The following NOM1 variants were observed in gnomAD, a reference collection of about 807,000 sequenced individuals.
The protein encoded by NOM1 is nucleolar protein with MIF4G domain 1.
A neutral mutation model predicts 73.3 loss-of-function variants in NOM1; 58 were observed. That is an observed-to-expected ratio of 0.79 (90% CI 0.64 to 0.99). The LOEUF (loss-of-function observed/expected upper bound fraction) is 0.99, where lower values mean the gene tolerates loss of function less well. Among genes scored for constraint, NOM1 ranks in the 50% least tolerant of loss-of-function variants. The pLI is 0.00. For synonymous variants in NOM1, 487 were observed against 446.8 expected (o/e 1.09, Z -1.14); for missense variants, 1,226 against 1,131.9 (o/e 1.08, Z -1.19).
Position 156,950,264 on chromosome 7 carries a change from T to C in NOM1, c.527T>C (p.Leu176Ser). The change falls in exon 1 of 11, where the codon TTA (leucine) becomes TCA (serine). Residue 176 changes from leucine (L) to serine (S), a missense_variant. Coordinates refer to ENST00000275820, the MANE Select transcript of NOM1 (RefSeq NM_138400.2). ...ATAAARKRALLAANEEEDREI... is the reference protein window; with the variant it reads ...ATAAARKRALSAANEEEDREI... ...GCCGCTGCCCGGAAACGGGCGCTTT[T>C]AGCGGCGAACGAGGAGGAGGACCGA... 1 of 1,613,868 alleles carries C rather than the reference T, an allele frequency of 6.2e-7. No homozygotes were observed. The highest frequency in any genetic ancestry group is 8.5e-7 in the Non-Finnish European group (1 of 1,179,808).
chr7:156,968,299 C>T (rs1052358778), intron 9 of NOM1, among the ~76,000 whole-genome samples: 6 of 152,202 alleles, frequency 3.9e-5, no homozygotes, highest in Non-Finnish European at 8.8e-5. Context: ...CAGGAGCACA[C>T]CCTCAGGCGT....
Position 156,966,988 on chromosome 7 carries a change from A to T in NOM1, c.2194A>T (p.Lys732Ter). 1 of 1,613,906 alleles carries T rather than the reference A, an allele frequency of 6.2e-7. No individual in the cohort carries two copies. The highest frequency in any genetic ancestry group is 8.5e-7 in the Non-Finnish European group (1 of 1,179,984). ...QMTFQFSIWD[K>*]FRDLENLPAT... Reference sequence around the variant, plus strand: ...GACTTTCCAGTTCAGCATATGGGACAAATTTCGGGACTTGGAAAACTTGCC... The same window carrying T: ...GACTTTCCAGTTCAGCATATGGGACTAATTTCGGGACTTGGAAAACTTGCC... The change falls in exon 9 of 11, where the codon AAA becomes TAA. Residue 732 changes from lysine (K) to a stop codon, truncating the protein, a stop_gained. Coordinates refer to ENST00000275820, the MANE Select transcript of NOM1 (RefSeq NM_138400.2). LOFTEE classifies it high-confidence loss of function.
Position 156,971,607 on chromosome 7 carries a change from G to A in NOM1, c.*1904G>A, listed in dbSNP as rs940794949. 1 of 152,246 alleles carries A rather than the reference G, an allele frequency of 6.6e-6. No individual in the cohort carries two copies. The highest frequency in any genetic ancestry group is 2.4e-5 in the African/African-American group (1 of 41,456). The allele number at this position is 152,246 out of a possible 1,614,324, so 9.4% of individuals were successfully genotyped here. Reference sequence around the variant, plus strand: ...CTTACCTTGGCCTCCCAAACACCGGGATTATAGGCGTGAGCCCCCGTGCCT... The same window carrying A: ...CTTACCTTGGCCTCCCAAACACCGGAATTATAGGCGTGAGCCCCCGTGCCT... On this transcript the variant is annotated 3_prime_UTR_variant, in exon 11 of 11. Coordinates refer to ENST00000275820, the MANE Select transcript of NOM1 (RefSeq NM_138400.2).
chr7:156,969,446 G>T (rs1462733667), intron 10 of NOM1, 83 bp from the exon 11 acceptor site: 1 of 1,150,930 alleles, frequency 8.7e-7, no homozygotes, highest in African/African-American at 1.5e-5. Flanking sequence ...AACTGGTTAT[G>T]TCTCACTATG....
Position 156,950,143 on chromosome 7 carries a change from C to G in NOM1, c.406C>G (p.Arg136Gly), listed in dbSNP as rs750589396. The G allele has an allele frequency of 9.5e-6, 15 of 1,577,800 alleles. No homozygotes were observed. The highest frequency in any genetic ancestry group is 2.3e-5 in the East Asian group (1 of 42,786). The change falls in exon 1 of 11, where the codon CGG becomes GGG. Residue 136 changes from arginine to glycine, a missense_variant. Arg to Gly is a moderately radical substitution (Grantham distance 125, BLOSUM62 -2). Coordinates refer to ENST00000275820, the MANE Select transcript of NOM1 (RefSeq NM_138400.2). ...TEERARPAPS[R>G]DPSPPRKPRP... ...GGAGCGCGCCCGCCCAGCCCCTAGT[C>G]GGGACCCCTCGCCTCCCAGGAAGCC... is the stretch of plus-strand genomic sequence containing the variant.
At chr7:156,965,179 C>G (rs1160796384) in intron 7 of NOM1, among the ~76,000 whole-genome samples, 1 of 152,228 alleles carries the variant, frequency 6.6e-6, no homozygotes. Context: ...TGCTCCTCTC[C>G]TGAGGTACAG....
At position 156,950,594 on chromosome 7, in the gene NOM1, A is replaced by G. The variant is rs770966157; in HGVS notation, c.857A>G (p.Asp286Gly). ...AEAQSEDDDE[D>G]TEEEQGEEKE... ...GCGCAGAGCGAGGACGACGACGAGG[A>G]TACAGAAGAGGAACAGGGGGAAGAA... The change falls in exon 1 of 11, where the codon GAT (aspartate) becomes GGT (glycine). Residue 286 changes from aspartate (D) to glycine (G), a missense_variant. Physicochemically the swap from Asp to Gly is moderately conservative, Grantham distance 94 (BLOSUM62 -1). Transcript: ENST00000275820. 10 of 1,587,452 alleles carry G rather than the reference A, an allele frequency of 6.3e-6. No individual in the cohort carries two copies. In the South Asian group the frequency reaches 9.0e-5, roughly 14 times the overall value.
At position 156,950,525 on chromosome 7, in the gene NOM1, A is replaced by T; in HGVS notation, c.788A>T (p.Glu263Val). The change falls in exon 1 of 11, where the codon GAG (glutamate) becomes GTG (valine). Residue 263 changes from glutamate (E) to valine (V), a missense_variant. Physicochemically the swap from Glu to Val is moderately radical, Grantham distance 121. Transcript: ENST00000275820. Reference sequence around the variant, plus strand: ...TCCCAGGACGAAAGTGAGGAGGAGGAGGAGGGAGACGTAGAAAAGGAAAAG... The same window carrying T: ...TCCCAGGACGAAAGTGAGGAGGAGGTGGAGGGAGACGTAGAAAAGGAAAAG... The part of the protein sequence containing the change: ...SDSQDESEEE[E>V]EGDVEKEKKA... 6.2e-7 allele frequency: 1 copy of T among 1,614,070 alleles called. No individual in the cohort carries two copies. Among genetic ancestry groups the T allele is most frequent in the Non-Finnish European group, 8.5e-7 (1 of 1,179,990 alleles).
rs781130505 is a variant in NOM1 at position 156,952,477 on chromosome 7, C to G, written c.991C>G (p.Leu331Val). The G allele has an allele frequency of 9.9e-6, 16 of 1,609,274 alleles. No homozygotes were observed. The highest frequency in any genetic ancestry group is 1.0e-5 in the Non-Finnish European group (12 of 1,178,824). The change falls in exon 2 of 11, where the codon CTT (leucine) becomes GTT (valine). Residue 331 changes from leucine to valine, a missense_variant. Leu to Val is a conservative substitution (Grantham distance 32). Coordinates refer to ENST00000275820, the MANE Select transcript of NOM1 (RefSeq NM_138400.2). The part of the protein sequence containing the change: ...SEDGDITDKS[L>V]CGSGEKYIPP... ...ATTTATTTCTCTTTTCAAGCAGAGTCTTTGTGGAAGTGGTGAAAAGTACAT... is the reference window on the plus strand; with the variant it reads ...ATTTATTTCTCTTTTCAAGCAGAGTGTTTGTGGAAGTGGTGAAAAGTACAT...
rs147712007 is a variant in NOM1 at position 156,961,269 on chromosome 7, C to T, written c.1633-882C>T. On this transcript the variant is annotated intron_variant, in intron 4 of 10. Coordinates refer to ENST00000275820, the MANE Select transcript of NOM1 (RefSeq NM_138400.2). ...CACTAGTGTCCCCAGGAAGAATTCA[C>T]GCCCGTGTGGGATGCTGAGGACCAG... Among the ~76,000 whole-genome samples the T allele has an allele frequency of 7.7e-4, 117 of 152,246 alleles. No individual in the cohort carries two copies. In the East Asian group the frequency reaches 0.018, roughly 23 times the overall value.
chr7:156,963,300 C>A, intron 6 of NOM1, 125 bp downstream of exon 6: 1 of 925,374 alleles, frequency 1.1e-6, no homozygotes, highest in Non-Finnish European at 1.7e-6. Context: ...CAAGGTTTAT[C>A]TGGAGGCCTT....
chr7:156,957,301 T>A (rs530759981), intron 3 of NOM1, among the ~76,000 whole-genome samples: 1 of 152,174 alleles, frequency 6.6e-6, no homozygotes, highest in Non-Finnish European at 1.5e-5. Flanking sequence ...AAAAACCCAA[T>A]CTATGTAGAT....
chr7:156,966,475 C>A, intron 8 of NOM1, 73 bp downstream of exon 8: 3 of 1,565,114 alleles, frequency 1.9e-6, no homozygotes, highest in Non-Finnish European at 2.6e-6. Context: ...GCTCAACCCA[C>A]CTGCAAAGGA....
Position 156,963,124 on chromosome 7 carries a change from G to A in NOM1, c.1860G>A (p.Pro620=), listed in dbSNP as rs770695085. 53 of 1,614,024 alleles carry A rather than the reference G, an allele frequency of 3.3e-5. No homozygotes were observed. The highest frequency in any genetic ancestry group is 8.0e-5 in the African/African-American group (6 of 74,906). Residue 620 remains proline (P), a synonymous_variant, in exon 6 of 11, where the codon CCG becomes CCA. Coordinates refer to ENST00000275820, the MANE Select transcript of NOM1 (RefSeq NM_138400.2). ...WIVGSAWSGA[P]MIDNSHHTHL... is the part of the protein sequence containing the mutation. ...TGGGGTCCGCCTGGAGTGGGGCCCC[G>A]ATGATCGACAACAGTCACCATACGC...
rs556291100 is a variant in NOM1 at position 156,969,809 on chromosome 7, A to G, written c.*106A>G. 2.8e-6 allele frequency: 3 copies of G among 1,066,018 alleles called. No homozygotes were observed. The African/African-American group carries it at 4.8e-5, about 17-fold the overall frequency. 66.0% of individuals were successfully genotyped at this position (1,066,018 alleles called of 1,614,324 possible). A position where few individuals can be genotyped will look rare whatever the true frequency, so the allele number is the denominator to read the frequency against. ...TGTGAATGTTTGGTAGAGCTATATC[A>G]TTGTCTGTTAATGTATTATATTTTG... On this transcript the variant is annotated 3_prime_UTR_variant, in exon 11 of 11. Coordinates refer to ENST00000275820, the MANE Select transcript of NOM1 (RefSeq NM_138400.2).
intron 1 of NOM1, 86 bp downstream of exon 1, chr7:156,950,810 G>A (rs1317864437): frequency 1.4e-5 from 17 of 1,208,126 alleles, no homozygotes; most frequent in Non-Finnish European, 2.0e-5. Flanking sequence ...AAATGACACA[G>A]ACTTGGTGTC....
rs1345100048 is a variant in NOM1 at position 156,960,106 on chromosome 7, A to G, written c.1564A>G (p.Lys522Glu). ...SLRKDDALSLKELITEAQTKA... is the reference protein window; with the variant it reads ...SLRKDDALSLEELITEAQTKA... Reference sequence around the variant, plus strand: ...GAGGAAAGATGATGCTTTATCACTTAAGGAATTGATCACTGAAGCCCAGAC... The same window carrying G: ...GAGGAAAGATGATGCTTTATCACTTGAGGAATTGATCACTGAAGCCCAGAC... Residue 522 changes from lysine (K) to glutamate (E), a missense_variant, in exon 4 of 11, where the codon AAG (lysine) becomes GAG (glutamate). Transcript: ENST00000275820. 2.5e-5 allele frequency: 41 copies of G among 1,614,048 alleles called. No homozygotes were observed. Among genetic ancestry groups the G allele is most frequent in the Non-Finnish European group, 3.4e-5 (40 of 1,180,036 alleles).
Position 156,950,657 on chromosome 7 carries a change from G to C in NOM1, c.920G>C (p.Arg307Thr). The C allele has an allele frequency of 1.3e-6, 2 of 1,552,344 alleles. No individual in the cohort carries two copies. Among genetic ancestry groups the C allele is most frequent in the Non-Finnish European group, 1.7e-6 (2 of 1,147,068 alleles). The change falls in exon 1 of 11, where the codon AGA becomes ACA. Residue 307 changes from arginine (R) to threonine (T), a missense_variant. Transcript: ENST00000275820. ...KGAQEKRRGKRVRFAEDEEKS... is the reference protein window; with the variant it reads ...KGAQEKRRGKTVRFAEDEEKS... The stretch of plus-strand genomic sequence containing the variant: ...GCGCAGGAGAAAAGGAGGGGGAAGA[G>C]AGTCCGTTTTGCAGAAGATGAAGAA...
Position 156,967,880 on chromosome 7 carries a change from G to C in NOM1, c.2298+788G>C, listed in dbSNP as rs114225853. On this transcript the variant is annotated intron_variant, in intron 9 of 10. Coordinates refer to ENST00000275820, the MANE Select transcript of NOM1 (RefSeq NM_138400.2). ...GTTAGATGTGGGCCTGTAAGGCTTG[G>C]ATGGTGGGACCAACAGACTCTGAAT... is the stretch of plus-strand genomic sequence containing the variant. Among the ~76,000 whole-genome samples, 1,452 of 151,606 alleles carry C rather than the reference G, an allele frequency of 9.6e-3. 28 individuals are homozygous for C. The highest frequency in any genetic ancestry group is 0.033 in the African/African-American group (1,359 of 41,222).
Sources: allele counts gnomAD v4.1 joint callset (sites outside exome capture counted in the v4.1 genomes callset), GRCh38; gene constraint gnomAD v4.1.1; transcripts MANE v1.5; gene names NCBI Gene and HGNC (gene_info 2026-07-23, HGNC 2026-07-21).